AHCY: variants seen among roughly 807,000 people sequenced by gnomAD.
The protein encoded by AHCY is S-adenosyl-L-homocysteine hydrolase.
A neutral mutation model predicts 45.4 loss-of-function variants in AHCY; 24 were observed. The ratio of observed to expected loss-of-function variants is 0.53; its 90% CI spans 0.38 to 0.74. The LOEUF (loss-of-function observed/expected upper bound fraction) is 0.74, where lower values mean the gene tolerates loss of function less well. AHCY is among the 30% of genes least tolerant of loss of function. AHCY has a pLI of 0.00. For synonymous variants in AHCY, 245 were observed against 235.1 expected (o/e 1.04, Z -0.39); for missense variants, 449 against 594.1 (o/e 0.76, Z 2.54).
chr20:34,290,853 A>G lies in AHCY; in HGVS notation c.644T>C (p.Val215Ala), dbSNP rs1285962622. The part of the protein sequence containing the change: ...RATDVMIAGK[V>A]AVVAGYGDVG... The stretch of plus-strand genomic sequence containing the variant: ...ATCACCATAGCCTGCTACCACCGCT[A>G]CCTTGCCGGCAATCATCACATCTGT... Residue 215 changes from valine to alanine, a missense_variant, in exon 6 of 10, where the codon GTA (valine) becomes GCA (alanine). Coordinates refer to ENST00000217426, the MANE Select transcript of AHCY (RefSeq NM_000687.4). The surrounding 1 kb of genome is among the most constrained non-coding windows in gnomAD (Gnocchi z 4.5). 2 of 1,613,632 alleles carry G rather than the reference A, an allele frequency of 1.2e-6. No individual in the cohort carries two copies. Among genetic ancestry groups the G allele is most frequent in the Non-Finnish European group, 1.7e-6 (2 of 1,179,934 alleles).
At chr20:34,273,617 G>A in the AHCY span, among the ~76,000 whole-genome samples, 1 of 152,194 alleles carries the variant, frequency 6.6e-6, no homozygotes, top group Admixed American at 6.5e-5. Flanking sequence ...ACTTTAGAAA[G>A]AAATTTAACT....
the AHCY span, among the ~76,000 whole-genome samples, chr20:34,269,727 C>A: frequency 4.0e-5 from 6 of 151,784 alleles, no homozygotes; most frequent in African/African-American, 1.5e-4. Flanking sequence ...GGCGGATCTC[C>A]TGAGGTCTGG....
At chr20:34,303,596 G>A (rs1240497589), upstream of AHCY, among the ~76,000 whole-genome samples, 1 of 152,240 alleles carries the variant, frequency 6.6e-6, no homozygotes, top group Non-Finnish European at 1.5e-5. Context: ...TTGATTCAGT[G>A]TCAAAACCCA....
At chr20:34,243,784 G>C in the AHCY span, among the ~76,000 whole-genome samples, 1 of 147,294 alleles carries the variant, frequency 6.8e-6, no homozygotes, top group Admixed American at 6.8e-5. Flanking sequence ...AAACTGTCTC[G>C]CCGGGCGCGG....
chr20:34,249,792 G>C, the AHCY span, among the ~76,000 whole-genome samples: 5 of 152,162 alleles, frequency 3.3e-5, no homozygotes, highest in East Asian at 9.6e-4. Flanking sequence ...AAAGCAACTT[G>C]ATTCAGTTTT....
At chr20:34,277,221 T>G (rs1211160278), downstream of AHCY, among the ~76,000 whole-genome samples, 5 of 152,090 alleles carry the variant, frequency 3.3e-5, no homozygotes, top group Non-Finnish European at 7.4e-5. Context: ...TGGGGCTTGG[T>G]GTGCAGAAAG....
the AHCY span, among the ~76,000 whole-genome samples, chr20:34,255,099 G>A: frequency 6.6e-6 from 1 of 152,254 alleles, no homozygotes; most frequent in East Asian, 1.9e-4. Flanking sequence ...TGCTCTGATG[G>A]TGAACTGAGC....
chr20:34,300,445 A>C (rs76536014), intron 1 of AHCY, among the ~76,000 whole-genome samples: 3,540 of 151,842 alleles, frequency 0.023, 152 homozygotes, highest in African/African-American at 0.08. Context: ...CACTTTCCCC[A>C]CTCACTAGCT....
the AHCY span, chr20:34,260,397 T>G: frequency 6.2e-7 from 1 of 1,613,922 alleles, no homozygotes; most frequent in Non-Finnish European, 8.5e-7. Flanking sequence ...CGCTTACTCC[T>G]GGCCACCCTG....
chr20:34,275,134 T>C, the AHCY span, among the ~76,000 whole-genome samples: 1 of 143,676 alleles, frequency 7.0e-6, no homozygotes, highest in Non-Finnish European at 1.5e-5. Flanking sequence ...CTATTTTCTT[T>C]TTTTTTTTTT....
At chr20:34,250,391 C>G in the AHCY span, among the ~76,000 whole-genome samples, 1 of 152,156 alleles carries the variant, frequency 6.6e-6, no homozygotes, top group Non-Finnish European at 1.5e-5. Flanking sequence ...AAAGGGGAGC[C>G]AGGTGCAGTG....
At chr20:34,243,109 C>A in the AHCY span, among the ~76,000 whole-genome samples, 3 of 152,208 alleles carry the variant, frequency 2.0e-5, no homozygotes, top group Non-Finnish European at 4.4e-5. Flanking sequence ...TAGACTCTGA[C>A]CCCTGTTTCA....
At chr20:34,298,097 C>G (rs2036630470) in intron 1 of AHCY, among the ~76,000 whole-genome samples, 2 of 152,028 alleles carry the variant, frequency 1.3e-5, no homozygotes, top group Non-Finnish European at 2.9e-5. Context: ...TGAGATCATG[C>G]CACTGCACTC....
chr20:34,269,032 C>T, the AHCY span: 6 of 1,607,512 alleles, frequency 3.7e-6, no homozygotes, highest in African/African-American at 2.7e-5. Flanking sequence ...CCCGGACCCC[C>T]CTATCTGCGC....
intron 1 of AHCY, among the ~76,000 whole-genome samples, chr20:34,309,253 C>A (rs916657206): frequency 5.9e-5 from 9 of 152,326 alleles, no homozygotes; most frequent in African/African-American, 2.2e-4. Flanking sequence ...AGCCACCACG[C>A]CTGGCCGGAT....
intron 9 of AHCY, 100 bp downstream of exon 9, chr20:34,285,340 G>A: frequency 7.4e-7 from 1 of 1,348,958 alleles, no homozygotes; most frequent in Non-Finnish European, 1.1e-6. Flanking sequence ...GCCTCTAAGA[G>A]GGCAGACAGG....
At chr20:34,297,850 A>C (rs2122797733) in intron 1 of AHCY, among the ~76,000 whole-genome samples, 1 of 151,176 alleles carries the variant, frequency 6.6e-6, no homozygotes, top group Non-Finnish European at 1.5e-5. Flanking sequence ...GTTACCACAG[A>C]TGAGTTGAAT....
chr20:34,309,736 G>A (rs1257861105), intron 1 of AHCY, among the ~76,000 whole-genome samples: 2 of 152,150 alleles, frequency 1.3e-5, no homozygotes, highest in African/African-American at 4.8e-5. Flanking sequence ...AGCCGAGATC[G>A]TGCCATTGCA....
intron 1 of AHCY, among the ~76,000 whole-genome samples, chr20:34,301,395 G>C (rs1188626892): frequency 6.6e-6 from 1 of 152,166 alleles, no homozygotes; most frequent in Non-Finnish European, 1.5e-5. Flanking sequence ...CAAAGGCACA[G>C]GAGAGGCTAG....
Sources: gnomAD v4.1 joint callset for allele counts (sites outside exome capture counted in the v4.1 genomes callset) on GRCh38, gnomAD v4.1.1 for gene constraint, Gnocchi (gnomAD v3.1) non-coding constraint, MANE v1.5 for transcripts, NCBI Gene and HGNC (gene_info 2026-07-23, HGNC 2026-07-21) for gene names.